Variants in PGBD2 observed in about 807,000 individuals in gnomAD.
The protein encoded by PGBD2 is piggyBac transposable element-derived protein 2.
Under a neutral mutation model 8.1 loss-of-function variants are expected in PGBD2, and 6 were observed. The observed-to-expected ratio is 0.74, with a 90% confidence interval of 0.40 to 1.46. The LOEUF (loss-of-function observed/expected upper bound fraction) is 1.46, where lower values mean the gene tolerates loss of function less well. Ranked by LOEUF, PGBD2 falls within the 40% of genes most tolerant of loss-of-function variation. PGBD2 has a pLI of 0.02. For synonymous variants in PGBD2, 318 were observed against 272.2 expected (o/e 1.17, Z -1.66); for missense variants, 802 against 739.0 (o/e 1.09, Z -0.99).
chr1:248,922,599 T>C (rs967394482), downstream of PGBD2, among the ~76,000 whole-genome samples: 4 of 152,210 alleles, frequency 2.6e-5, no homozygotes, highest in African/African-American at 9.7e-5. Flanking sequence ...GAGTTTGTCA[T>C]AAACAGCTCT....
At chr1:248,911,045 C>CT (rs1661852403) in intron 1 of PGBD2, among the ~76,000 whole-genome samples, 2 of 152,104 alleles carry the variant, frequency 1.3e-5, no homozygotes, top group South Asian at 4.2e-4. Flanking sequence ...TTTGCCCCCC[C>CT]ATCTCGAGCA....
At chr1:248,910,639 C>A (rs1661838109) in intron 1 of PGBD2, among the ~76,000 whole-genome samples, 1 of 152,216 alleles carries the variant, frequency 6.6e-6, no homozygotes, top group Non-Finnish European at 1.5e-5. Context: ...GCACCTCACA[C>A]ACCTGGCATC....
the PGBD2 span, among the ~76,000 whole-genome samples, chr1:248,883,559 T>G: frequency 6.6e-6 from 1 of 151,152 alleles, no homozygotes; most frequent in Non-Finnish European, 1.5e-5. Flanking sequence ...GTCTGTTCAC[T>G]CTGCTGATAG....
the PGBD2 span, among the ~76,000 whole-genome samples, chr1:248,877,370 C>T: frequency 7.9e-5 from 12 of 152,208 alleles, no homozygotes; most frequent in African/African-American, 2.9e-4. Flanking sequence ...TGCCGTGGCT[C>T]ACTGCAGCCT....
At chr1:248,901,425 G>T (rs1049951078), upstream of PGBD2, among the ~76,000 whole-genome samples, 1 of 152,102 alleles carries the variant, frequency 6.6e-6, no homozygotes, top group African/African-American at 2.4e-5. Flanking sequence ...AGAGAACTCA[G>T]AAATAAGACT....
At chr1:248,878,049 T>C in the PGBD2 span, among the ~76,000 whole-genome samples, 1 of 152,224 alleles carries the variant, frequency 6.6e-6, no homozygotes. Context: ...TAATTGTAAC[T>C]TTCCTCTTTT....
the PGBD2 span, among the ~76,000 whole-genome samples, chr1:248,882,636 C>T: frequency 7.4e-3 from 1,125 of 152,228 alleles, 11 homozygotes; most frequent in Non-Finnish European, 0.011. Context: ...TATGGACAGG[C>T]GCCCCTCATG....
At chr1:248,891,668 A>G in the PGBD2 span, among the ~76,000 whole-genome samples, 1 of 152,104 alleles carries the variant, frequency 6.6e-6, no homozygotes, top group Non-Finnish European at 1.5e-5. Context: ...CATCTCTACT[A>G]AAAATTTAAA....
chr1:248,878,622 C>T, the PGBD2 span, among the ~76,000 whole-genome samples: 291 of 152,298 alleles, frequency 1.9e-3, 1 homozygote, highest in African/African-American at 6.7e-3. Flanking sequence ...TTTAAGTTCT[C>T]TTTTCGGTAG....
the PGBD2 span, among the ~76,000 whole-genome samples, chr1:248,895,044 A>C: frequency 2.0e-5 from 3 of 152,084 alleles, no homozygotes; most frequent in Non-Finnish European, 4.4e-5. Context: ...GTCTCAAGCT[A>C]TCCTCCCAAC....
In PGBD2 at chr1:248,916,706, A is replaced by G; in HGVS notation, c.122A>G (p.Glu41Gly). 6.2e-7 allele frequency: 1 copy of G among 1,614,184 alleles called. No homozygotes were observed. Among genetic ancestry groups the G allele is most frequent in the Non-Finnish European group, 8.5e-7 (1 of 1,180,028 alleles). Reference protein sequence around the residue: ...EEEESNNNREEIFIAPPDNAA... With the variant: ...EEEESNNNREGIFIAPPDNAA... The stretch of plus-strand genomic sequence containing the variant: ...GAAGAGTCCAACAACAACAGGGAAG[A>G]GATTTTCATTGCACCTCCCGACAAT... The change falls in exon 3 of 3, where the codon GAG becomes GGG. Residue 41 changes from glutamate (E) to glycine (G), a missense_variant. Glu to Gly is a moderately conservative substitution (Grantham distance 98, BLOSUM62 -2). Transcript: ENST00000329291.
At chr1:248,926,347 T>G in the PGBD2 span, among the ~76,000 whole-genome samples, 1 of 152,212 alleles carries the variant, frequency 6.6e-6, no homozygotes, top group Non-Finnish European at 1.5e-5. Context: ...ATGTAAAGGC[T>G]ATTAAAACAT....
Position 248,917,799 on chromosome 1 carries a change from T to G in PGBD2, c.1215T>G (p.Ser405Arg). The G allele has an allele frequency of 3.1e-6, 5 of 1,613,658 alleles. No individual in the cohort carries two copies. Among genetic ancestry groups the G allele is most frequent in the Non-Finnish European group, 3.4e-6 (4 of 1,179,932 alleles). Residue 405 changes from serine to arginine, a missense_variant, in exon 3 of 3, where the codon AGT becomes AGG. Transcript: ENST00000329291. ...RGSFDYKVDESEEIIVCRWHD... is the reference protein window; with the variant it reads ...RGSFDYKVDEREEIIVCRWHD... Reference sequence around the variant, plus strand: ...CATTTGATTACAAAGTCGATGAGAGTGAGGAGATCATCGTGTGCCGCTGGC... The same window carrying G: ...CATTTGATTACAAAGTCGATGAGAGGGAGGAGATCATCGTGTGCCGCTGGC...
At chr1:248,908,195 G>A (rs913857900) in intron 1 of PGBD2, among the ~76,000 whole-genome samples, 1 of 152,132 alleles carries the variant, frequency 6.6e-6, no homozygotes, top group Non-Finnish European at 1.5e-5. Context: ...TTTCCTTGGA[G>A]AAATTTACAT....
At chr1:248,878,605 C>G in the PGBD2 span, among the ~76,000 whole-genome samples, 1 of 152,136 alleles carries the variant, frequency 6.6e-6, no homozygotes, top group African/African-American at 2.4e-5. Context: ...CTCGTTTTGT[C>G]TAAGGTTTTA....
At chr1:248,910,402 C>T (rs551014352) in intron 1 of PGBD2, among the ~76,000 whole-genome samples, 81 of 152,300 alleles carry the variant, frequency 5.3e-4, no homozygotes, top group African/African-American at 1.9e-3. Context: ...CCTGTTGTGT[C>T]TGCTTTACAC....
intron 1 of PGBD2, among the ~76,000 whole-genome samples, chr1:248,907,941 C>T (rs1186477602): frequency 6.6e-6 from 1 of 152,196 alleles, no homozygotes; most frequent in African/African-American, 2.4e-5. Context: ...GGGGCATTTA[C>T]ATCTATAAAA....
At chr1:248,914,445 G>C in intron 2 of PGBD2, 1 of 1,280,450 alleles carries the variant, frequency 7.8e-7, no homozygotes, top group Non-Finnish European at 1.0e-6. Flanking sequence ...GCAGAGCTTG[G>C]ATGAGTGAAT....
rs1325310279 is a variant in PGBD2 at position 248,919,073 on chromosome 1, T to G, written c.*710T>G. 1 of 167,066 alleles carries G rather than the reference T, an allele frequency of 6.0e-6. No individual in the cohort carries two copies. Among genetic ancestry groups the G allele is most frequent in the Non-Finnish European group, 1.5e-5 (1 of 68,112 alleles). The allele number at this position is 167,066 out of a possible 1,614,324, so 10.3% of individuals were successfully genotyped here. ...GGGTATCCATCTTGTCAAACACTTG[T>G]CCTTTGTGTTTCAAACAATCCAATT... On this transcript the variant is annotated 3_prime_UTR_variant, in exon 3 of 3. Coordinates refer to ENST00000329291, the MANE Select transcript of PGBD2 (RefSeq NM_170725.3).
Sources: allele counts gnomAD v4.1 joint callset (sites outside exome capture counted in the v4.1 genomes callset), GRCh38; gene constraint gnomAD v4.1.1; transcripts MANE v1.5; gene names NCBI Gene and HGNC (gene_info 2026-07-23, HGNC 2026-07-21).